Variants in CHIC1 observed in about 807,000 individuals in gnomAD.
CHIC1 encodes the protein cysteine rich hydrophobic domain 1, also known as cysteine-rich hydrophobic domain-containing protein 1.
Under a neutral mutation model 18.5 loss-of-function variants are expected in CHIC1, and 7 were observed. The observed-to-expected ratio is 0.38, with a 90% CI of 0.22 to 0.71. The LOEUF is 0.71. Ranked by LOEUF, CHIC1 falls within the 30% of genes least tolerant of loss-of-function variation. The pLI is 0.49. For synonymous variants in CHIC1, 77 were observed against 73.5 expected, an observed-to-expected ratio of 1.05 and a Z score of -0.25; for missense variants, 159 against 176.9, an observed-to-expected ratio of 0.90 and a Z score of 0.57.
At chrX:73,647,749 C>T (rs914097031) in intron 3 of CHIC1, among the ~76,000 whole-genome samples, 1 of 112,620 alleles carries the variant, frequency 8.9e-6, no homozygotes, top group Non-Finnish European at 1.9e-5. Context: ...GGCATGGCCA[C>T]AGTCTCTGTG....
Position 73,658,054 on chromosome X carries a change from A to G in CHIC1, c.508-21272A>G, listed in dbSNP as rs768491603. Among the ~76,000 whole-genome samples the G allele has an allele frequency of 6.3e-5, 7 of 110,356 alleles. No homozygotes were observed. The East Asian group carries it at 2.0e-3, about 31-fold the overall frequency. On this transcript the variant is annotated intron_variant, in intron 3 of 5. Coordinates refer to ENST00000373502, the MANE Select transcript of CHIC1 (RefSeq NM_001039840.4). ...TGAGGATTTTTGCATTGATGTCGTCAAGGATATTGGCCTGAAGGTTTTTTT... is the reference window on the plus strand; with the variant it reads ...TGAGGATTTTTGCATTGATGTCGTCGAGGATATTGGCCTGAAGGTTTTTTT...
chrX:73,566,782 T>C (rs888605659), intron 1 of CHIC1, among the ~76,000 whole-genome samples: 1 of 111,505 alleles, frequency 9.0e-6, no homozygotes, highest in Non-Finnish European at 1.9e-5. Flanking sequence ...TTCCCTATCC[T>C]TCAGGTTCTC....
chrX:73,679,292 C>T (rs756015562), intron 3 of CHIC1, 34 bp from the exon 4 acceptor site: 1 of 970,874 alleles, frequency 1.0e-6, no homozygotes, highest in Admixed American at 2.4e-5. Flanking sequence ...CTCTTCAGGT[C>T]ATCTTGTAAC....
intron 3 of CHIC1, among the ~76,000 whole-genome samples, chrX:73,605,197 T>C (rs1402840737): frequency 1.8e-5 from 2 of 108,613 alleles, no homozygotes; most frequent in Non-Finnish European, 3.8e-5. Context: ...ATTGGGTGCA[T>C]ATATATTTAG....
At chrX:73,640,617 T>C (rs1196544299) in intron 3 of CHIC1, among the ~76,000 whole-genome samples, 2 of 112,041 alleles carry the variant, frequency 1.8e-5, no homozygotes, top group Non-Finnish European at 3.8e-5. Context: ...CCATTTCTTC[T>C]AAATTTTCTT....
chrX:73,601,548 C>T lies in CHIC1; in HGVS notation c.507+16976C>T, dbSNP rs1229095013. Among the ~76,000 whole-genome samples the T allele has an allele frequency of 1.3e-4, 14 of 106,231 alleles. No homozygotes were observed. In the South Asian group the frequency reaches 5.9e-3, roughly 45 times the overall value. The allele number at this position is 106,231 out of a possible 115,157, so 92.2% of individuals were successfully genotyped here. A position where few individuals can be genotyped will look rare whatever the true frequency, so the allele number is the denominator to read the frequency against. On this transcript the variant is annotated intron_variant, in intron 3 of 5. Coordinates refer to ENST00000373502, the MANE Select transcript of CHIC1 (RefSeq NM_001039840.4). ...ACACAACATACCAGAATGTCTGGGA[C>T]GCATTCAAAGCAGTGTGTGGAGGGA...
At chrX:73,643,214 G>C (rs1183927364) in intron 3 of CHIC1, among the ~76,000 whole-genome samples, 1 of 111,515 alleles carries the variant, frequency 9.0e-6, no homozygotes, top group Admixed American at 9.5e-5. Context: ...CTTCTGGCTT[G>C]TAGAGTTTCT....
chrX:73,676,288 G>T (rs185401179), intron 3 of CHIC1, among the ~76,000 whole-genome samples: 17 of 111,906 alleles, frequency 1.5e-4, no homozygotes, highest in African/African-American at 5.5e-4. Context: ...TACCTTGCTA[G>T]ATTGGAGAAG....
At chrX:73,587,884 T>C (rs774352999) in intron 3 of CHIC1, among the ~76,000 whole-genome samples, 15 of 111,562 alleles carry the variant, frequency 1.3e-4, no homozygotes, top group Non-Finnish European at 2.6e-4. Flanking sequence ...CCTTTTAATT[T>C]ATGTGTCAAC....
intron 3 of CHIC1, among the ~76,000 whole-genome samples, chrX:73,666,580 C>A (rs917143843): frequency 8.9e-6 from 1 of 112,209 alleles, no homozygotes. Flanking sequence ...CCTCTTTTGG[C>A]AACACCATCA....
At chrX:73,676,398 T>G (rs1304139306) in intron 3 of CHIC1, among the ~76,000 whole-genome samples, 6 of 112,045 alleles carry the variant, frequency 5.4e-5, no homozygotes, top group Admixed American at 1.9e-4. Flanking sequence ...TCTTTTCACA[T>G]AGTCCCATAT....
chrX:73,653,813 G>A (rs1341718397), intron 3 of CHIC1, among the ~76,000 whole-genome samples: 4 of 111,437 alleles, frequency 3.6e-5, no homozygotes, highest in Non-Finnish European at 7.5e-5. Flanking sequence ...AAAATTTTTT[G>A]TATCTATTGT....
chrX:73,592,114 G>A (rs1031854011), intron 3 of CHIC1, among the ~76,000 whole-genome samples: 20 of 110,565 alleles, frequency 1.8e-4, no homozygotes, highest in Middle Eastern at 4.7e-3. Flanking sequence ...AGTCTTTTGG[G>A]TTTTTCTAGG....
chrX:73,571,171 T>C (rs2057469095), intron 1 of CHIC1, among the ~76,000 whole-genome samples: 1 of 110,665 alleles, frequency 9.0e-6, no homozygotes, highest in African/African-American at 3.3e-5. Flanking sequence ...CTGTATTGAC[T>C]ATATATTTGA....
intron 3 of CHIC1, among the ~76,000 whole-genome samples, chrX:73,643,980 T>G (rs1203820993): frequency 1.8e-5 from 2 of 111,962 alleles, no homozygotes; most frequent in Admixed American, 9.5e-5. Flanking sequence ...TGCTCTGTTT[T>G]TTCCCCATCT....
At chrX:73,593,342 A>G (rs1425015260) in intron 3 of CHIC1, among the ~76,000 whole-genome samples, 1 of 111,191 alleles carries the variant, frequency 9.0e-6, no homozygotes, top group Non-Finnish European at 1.9e-5. Flanking sequence ...GGCACTGTAA[A>G]CTTTCCTCTT....
chrX:73,575,886 T>C (rs2077542235), intron 1 of CHIC1, among the ~76,000 whole-genome samples: 1 of 110,946 alleles, frequency 9.0e-6, no homozygotes, highest in Admixed American at 9.5e-5. Context: ...ACTCATCGAC[T>C]CTTTTGTAAT....
chrX:73,575,989 ACT>A (rs1399919558), intron 1 of CHIC1, among the ~76,000 whole-genome samples: 1 of 109,231 alleles, frequency 9.2e-6, no homozygotes, highest in Non-Finnish European at 1.9e-5. Context: ...TACTTTTTAA[ACT>A]TTTTTGTTAA....
Position 73,683,614 on chromosome X carries a change from ATTTC to A in CHIC1, c.*2613_*2616del, listed in dbSNP as rs1321690463. On this transcript the variant is annotated 3_prime_UTR_variant, in exon 6 of 6. Transcript: ENST00000373502. ...TTTAGACTGAAGAAAGTAATTTTGAATTTCTTTGTTACATAATATTCCTTTATGA... is the reference window on the plus strand; with the variant it reads ...TTTAGACTGAAGAAAGTAATTTTGAATTTGTTACATAATATTCCTTTATGA... 1 of 111,866 alleles carries A rather than the reference ATTTC, an allele frequency of 8.9e-6. No individual in the cohort carries two copies. The highest frequency in any genetic ancestry group is 9.5e-5 in the Admixed American group (1 of 10,497). 9.2% of individuals were successfully genotyped at this position (111,866 alleles called of 1,213,427 possible). A position where few individuals can be genotyped will look rare whatever the true frequency, so the allele number is the denominator to read the frequency against.
Sources: allele counts gnomAD v4.1 joint callset (sites outside exome capture counted in the v4.1 genomes callset), GRCh38; gene constraint gnomAD v4.1.1; transcripts MANE v1.5; gene names NCBI Gene and HGNC (gene_info 2026-07-23, HGNC 2026-07-21).